SYT10: variants seen among roughly 807,000 people sequenced by gnomAD.
The protein encoded by SYT10 is synaptotagmin-10.
In SYT10, 31 loss-of-function variants were observed where a neutral mutation model predicts 51.1. That is an observed-to-expected ratio of 0.61 (90% confidence interval 0.46 to 0.82). The LOEUF (loss-of-function observed/expected upper bound fraction) is 0.82. Among genes scored for constraint, SYT10 ranks in the 40% least tolerant of loss-of-function variants. The probability of loss-of-function intolerance (pLI) is 0.00; values close to 1 mark genes in which losing one functional copy is unlikely to be tolerated. For synonymous variants in SYT10, 233 were observed against 225.9 expected (o/e 1.03, Z -0.28); for missense variants, 603 against 634.0 (o/e 0.95, Z 0.53).
chr12:33,413,018 G>C (rs530518268), intron 2 of SYT10, among the ~76,000 whole-genome samples: 1 of 152,216 alleles, frequency 6.6e-6, no homozygotes, highest in Non-Finnish European at 1.5e-5. Flanking sequence ...ACCACGGCAC[G>C]AGAACTACGT....
intron 3 of SYT10, chr12:33,404,884 G>A (rs936715265): frequency 1.4e-4 from 22 of 152,102 alleles, no homozygotes; most frequent in African/African-American, 5.1e-4. Context: ...TGGGAGAGTT[G>A]CAAATAAATT....
At chr12:33,419,561 A>G in intron 2 of SYT10, among the ~76,000 whole-genome samples, 1 of 152,282 alleles carries the variant, frequency 6.6e-6, no homozygotes, top group South Asian at 2.1e-4. Context: ...AATGAAATAA[A>G]TGTTCAGTTA....
intron 1 of SYT10, among the ~76,000 whole-genome samples, chr12:33,434,778 C>T (rs1443677424): frequency 6.6e-6 from 1 of 152,122 alleles, no homozygotes; most frequent in East Asian, 1.9e-4. Context: ...GCACTCCAGC[C>T]TGGGCAACAA....
intron 1 of SYT10, among the ~76,000 whole-genome samples, chr12:33,429,486 G>A (rs1591998481): frequency 1.3e-5 from 2 of 152,330 alleles, no homozygotes; most frequent in East Asian, 3.9e-4. Context: ...GACCAATAAA[G>A]TGATACTAGT....
At chr12:33,384,921 C>A (rs1866144172) in intron 4 of SYT10, among the ~76,000 whole-genome samples, 1 of 152,086 alleles carries the variant, frequency 6.6e-6, no homozygotes, top group Non-Finnish European at 1.5e-5. Context: ...TGAGACAGTA[C>A]TAAATTGGTA....
At position 33,374,938 on chromosome 12, in the gene SYT10, T is replaced by C. The variant is rs535362797; in HGVS notation, c.*1892A>G. 1 of 152,148 alleles carries C rather than the reference T, an allele frequency of 6.6e-6. No individual in the cohort carries two copies. The highest frequency in any genetic ancestry group is 2.4e-5 in the African/African-American group (1 of 41,566). The allele number at this position is 152,148 out of a possible 1,614,324, so 9.4% of individuals were successfully genotyped here. On this transcript the variant is annotated 3_prime_UTR_variant, in exon 7 of 7. Coordinates refer to ENST00000228567, the MANE Select transcript of SYT10 (RefSeq NM_198992.4). ...TTTAAGCTGCAGTTATATCTACTAATAAAACAACTGTCTCCAAAAATGTCA... is the reference window on the plus strand; with the variant it reads ...TTTAAGCTGCAGTTATATCTACTAACAAAACAACTGTCTCCAAAAATGTCA...
chr12:33,391,020 T>C (rs1866201300), intron 3 of SYT10, among the ~76,000 whole-genome samples: 1 of 152,152 alleles, frequency 6.6e-6, no homozygotes, highest in African/African-American at 2.4e-5. Context: ...CACTGCAACC[T>C]CTGCCTCCTG....
chr12:33,439,348 C>T, intron 1 of SYT10, 24 bp downstream of exon 1: 5 of 1,601,558 alleles, frequency 3.1e-6, no homozygotes, highest in Non-Finnish European at 3.4e-6. Context: ...AGCGCGAGGA[C>T]GCGAGCGGAG....
intron 1 of SYT10, chr12:33,432,297 G>A (rs531087132): frequency 2.0e-4 from 30 of 152,024 alleles, no homozygotes; most frequent in Non-Finnish European, 2.8e-4. Flanking sequence ...TTGATAAAAC[G>A]TAGTACCAAA....
chr12:33,434,213 C>G (rs758202148), intron 1 of SYT10, among the ~76,000 whole-genome samples: 2 of 152,166 alleles, frequency 1.3e-5, no homozygotes, highest in Non-Finnish European at 2.9e-5. Flanking sequence ...TGAACACACT[C>G]TGAAGAAAAT....
At chr12:33,437,259 C>T (rs1432623237) in intron 1 of SYT10, among the ~76,000 whole-genome samples, 1 of 152,120 alleles carries the variant, frequency 6.6e-6, no homozygotes, top group Non-Finnish European at 1.5e-5. Flanking sequence ...TATTATAAAT[C>T]GAATACCCCA....
intron 2 of SYT10, among the ~76,000 whole-genome samples, chr12:33,414,396 A>G (rs1416731547): frequency 6.6e-6 from 1 of 152,230 alleles, no homozygotes; most frequent in Non-Finnish European, 1.5e-5. Flanking sequence ...TCTCAGCACC[A>G]CATTGCACTT....
At chr12:33,380,029 A>T in intron 5 of SYT10, 68 bp from the exon 6 acceptor site, 2 of 1,501,670 alleles carry the variant, frequency 1.3e-6, no homozygotes, top group Non-Finnish European at 1.8e-6. Context: ...CACAAATCGT[A>T]GTAGAATTTT....
intron 3 of SYT10, among the ~76,000 whole-genome samples, chr12:33,389,900 T>G (rs1180118640): frequency 6.6e-6 from 1 of 152,188 alleles, no homozygotes; most frequent in African/African-American, 2.4e-5. Context: ...CAAACCACTG[T>G]AAAATGTATT....
chr12:33,387,564 C>T (rs1361353458), intron 3 of SYT10, among the ~76,000 whole-genome samples: 1 of 152,064 alleles, frequency 6.6e-6, no homozygotes, highest in Non-Finnish European at 1.5e-5. Flanking sequence ...ATTAGTATTG[C>T]AAGACTATTA....
intron 3 of SYT10, chr12:33,406,040 A>C (rs1279126943): frequency 6.6e-6 from 1 of 152,052 alleles, no homozygotes; most frequent in Non-Finnish European, 1.5e-5. Flanking sequence ...GTATGGTCTT[A>C]ATATTTTAAA....
At chr12:33,438,987 G>A (rs1429886070) in intron 1 of SYT10, among the ~76,000 whole-genome samples, 1 of 152,198 alleles carries the variant, frequency 6.6e-6, no homozygotes, top group Admixed American at 6.5e-5. Context: ...AGTCCCACAG[G>A]TGAGCCGCCC....
intron 2 of SYT10, among the ~76,000 whole-genome samples, chr12:33,413,281 T>A (rs1205954962): frequency 6.6e-6 from 1 of 152,200 alleles, no homozygotes; most frequent in African/African-American, 2.4e-5. Flanking sequence ...CCAGGAGAAC[T>A]TCCCCAATCT....
intron 1 of SYT10, among the ~76,000 whole-genome samples, chr12:33,435,525 G>T (rs547048230): frequency 8.5e-5 from 13 of 152,242 alleles, no homozygotes; most frequent in African/African-American, 3.1e-4. Flanking sequence ...CTTCAAACAG[G>T]CCTATCATTC....
Sources: allele counts gnomAD v4.1 joint callset (sites outside exome capture counted in the v4.1 genomes callset), GRCh38; gene constraint gnomAD v4.1.1; transcripts MANE v1.5; gene names NCBI Gene and HGNC (gene_info 2026-07-23, HGNC 2026-07-21).